Variants in RYR2 observed in about 807,000 individuals in gnomAD.
RYR2 encodes the protein ryanodine receptor 2, also known as cardiac muscle ryanodine receptor-calcium release channel.
In RYR2, 227 loss-of-function variants were observed where a neutral mutation model predicts 601.1. The observed-to-expected ratio is 0.38, with a 90% CI of 0.34 to 0.42. The LOEUF (loss-of-function observed/expected upper bound fraction) is 0.42. RYR2 is among the 10% of genes least tolerant of loss of function. RYR2 has a pLI of 1.00. For synonymous variants in RYR2, 2,223 were observed against 2,175.1 expected, an observed-to-expected ratio of 1.02 and a Z score of -0.61; for missense variants, 4,646 against 6,156.5, an observed-to-expected ratio of 0.75 and a Z score of 8.21.
At chr1:237,572,094 T>C (rs1328669087) in intron 29 of RYR2, among the ~76,000 whole-genome samples, 1 of 152,168 alleles carries the variant, frequency 6.6e-6, no homozygotes. Flanking sequence ...TGAACACTTA[T>C]CTCCGGGTGG....
rs1191455251 is a variant in RYR2 at position 237,667,898 on chromosome 1, A to T, written c.8530A>T (p.Met2844Leu). 2 of 1,583,670 alleles carry T rather than the reference A, an allele frequency of 1.3e-6. No homozygotes were observed. Among genetic ancestry groups the T allele is most frequent in the Non-Finnish European group, 1.7e-6 (2 of 1,164,322 alleles). The part of the protein sequence containing the change: ...SRDLHAMAEM[M>L]AENYHNIWAK... ...TTCATTTAAGGCTATGGCAGAAATGATGGCTGAAAACTACCATAATATATG... is the reference window on the plus strand; with the variant it reads ...TTCATTTAAGGCTATGGCAGAAATGTTGGCTGAAAACTACCATAATATATG... Residue 2844 changes from methionine to leucine, a missense_variant, in exon 58 of 105, where the codon ATG becomes TTG. Around this residue, in one of 17 missense-constraint regions of RYR2, gnomAD observed 1,497 missense variants for 1,842.6 expected, o/e 0.81. Transcript: ENST00000366574.
intron 95 of RYR2, among the ~76,000 whole-genome samples, chr1:237,795,008 CAAAT>C (rs1658937029): frequency 6.6e-6 from 1 of 152,128 alleles, no homozygotes; most frequent in Non-Finnish European, 1.5e-5. Context: ...ATGTTATAAA[CAAAT>C]AAATATAACA....
chr1:237,287,970 G>A (rs1691744867), intron 2 of RYR2, among the ~76,000 whole-genome samples: 1 of 152,174 alleles, frequency 6.6e-6, no homozygotes, highest in African/African-American at 2.4e-5. Context: ...AGGGCTGAAG[G>A]CTGTTGTTCA....
intron 63 of RYR2, 126 bp downstream of exon 63, chr1:237,687,630 C>A (rs1686548652): frequency 2.7e-6 from 2 of 748,762 alleles, no homozygotes; most frequent in Non-Finnish European, 4.7e-6. Context: ...ATGGTCGTTG[C>A]AGGCCAAGAT....
At chr1:237,334,958 T>C (rs555975372) in intron 3 of RYR2, among the ~76,000 whole-genome samples, 2 of 152,332 alleles carry the variant, frequency 1.3e-5, no homozygotes, top group Non-Finnish European at 2.9e-5. Context: ...TATTAAATGA[T>C]GGTGCATGTT....
intron 1 of RYR2, among the ~76,000 whole-genome samples, chr1:237,233,775 C>T (rs1311401169): frequency 6.6e-6 from 1 of 152,180 alleles, no homozygotes; most frequent in Non-Finnish European, 1.5e-5. Context: ...CTGCCTCAGC[C>T]TCCTGAGTAG....
In RYR2 at chr1:237,819,067, G is replaced by A. The variant is rs794728805; in HGVS notation, c.14465G>A (p.Arg4822His). The change falls in exon 101 of 105, where the codon CGT becomes CAT. Residue 4822 changes from arginine to histidine, a missense_variant. Arg to His is a conservative substitution (Grantham distance 29). Around this residue, in one of 17 missense-constraint regions of RYR2, gnomAD observed 55 missense variants for 204.7 expected, o/e 0.27. Coordinates refer to ENST00000366574, the MANE Select transcript of RYR2 (RefSeq NM_001035.3). This position sits in a 1 kb window ranked among gnomAD's most constrained non-coding sequence, Gnocchi z 4.0. ...ATGTTCCACATGTATGTTGGAGTTC[G>A]TGCTGGAGGAGGGATCGGGGATGAA... ...CYMFHMYVGV[R>H]AGGGIGDEIE... is the part of the protein sequence containing the mutation. 3 of 1,613,838 alleles carry A rather than the reference G, an allele frequency of 1.9e-6. No individual in the cohort carries two copies. The highest frequency in any genetic ancestry group is 2.5e-6 in the Non-Finnish European group (3 of 1,179,804).
At chr1:237,252,563 T>C (rs1687566374) in intron 1 of RYR2, among the ~76,000 whole-genome samples, 1 of 152,218 alleles carries the variant, frequency 6.6e-6, no homozygotes, top group Admixed American at 6.5e-5. Flanking sequence ...TAAGAAATTG[T>C]TCTGTCTCAT....
At chr1:237,423,302 T>C in intron 12 of RYR2, 54 bp downstream of exon 12, 1 of 1,558,352 alleles carries the variant, frequency 6.4e-7, no homozygotes. Flanking sequence ...TCATATTTCC[T>C]TTGATGTTAG....
chr1:237,669,140 C>T lies in RYR2; in HGVS notation c.8590+1182C>T, dbSNP rs1042625376. Among the ~76,000 whole-genome samples the T allele has an allele frequency of 6.5e-5, 9 of 139,534 alleles. 1 individual carries two copies. Among genetic ancestry groups the T allele is most frequent in the African/African-American group, 2.2e-4 (9 of 40,406 alleles). The allele number at this position is 139,534 out of a possible 152,430, so 91.5% of individuals were successfully genotyped here. A position where few individuals can be genotyped will look rare whatever the true frequency, so the allele number is the denominator to read the frequency against. ...AAGCACATCTTGCACCGTCCTTAAT[C>T]CATTTAACCCTGAGTGGACACAATA... is the stretch of plus-strand genomic sequence containing the variant. On this transcript the variant is annotated intron_variant, in intron 58 of 104. Coordinates refer to ENST00000366574, the MANE Select transcript of RYR2 (RefSeq NM_001035.3).
intron 1 of RYR2, among the ~76,000 whole-genome samples, chr1:237,126,476 T>A (rs1386221722): frequency 6.6e-6 from 1 of 152,066 alleles, no homozygotes; most frequent in Non-Finnish European, 1.5e-5. Context: ...TGGGCAACCT[T>A]TTATCTCCCT....
Position 237,377,343 on chromosome 1 carries a change from A to T in RYR2, c.484A>T (p.Ile162Leu). The T allele has an allele frequency of 6.2e-7, 1 of 1,613,264 alleles. No homozygotes were observed. Among genetic ancestry groups the T allele is most frequent in the Non-Finnish European group, 8.5e-7 (1 of 1,179,424 alleles). Reference protein sequence around the residue: ...DTTGEACWWTIHPASKQRSEG... With the variant: ...DTTGEACWWTLHPASKQRSEG... ...TGCAGGGGAGGCTTGTTGGTGGACC[A>T]TACACCCTGCCTCTAAGCAGCGATC... The change falls in exon 8 of 105, where the codon ATA becomes TTA. Residue 162 changes from isoleucine (I) to leucine (L), a missense_variant. By Grantham distance (5) the Ile-to-Leu change is conservative (BLOSUM62 2). Transcript: ENST00000366574.
At chr1:237,288,336 A>G (rs1691790290) in intron 2 of RYR2, among the ~76,000 whole-genome samples, 1 of 152,104 alleles carries the variant, frequency 6.6e-6, no homozygotes, top group Admixed American at 6.6e-5. Flanking sequence ...CTCTGGTAGT[A>G]TTGGGAGGAA....
At chr1:237,729,463 G>A (rs1690492247) in intron 76 of RYR2, among the ~76,000 whole-genome samples, 1 of 152,024 alleles carries the variant, frequency 6.6e-6, no homozygotes, top group Non-Finnish European at 1.5e-5. Context: ...GATTTCCAAG[G>A]CCCTTCATAA....
chr1:237,820,535 G>A (rs2486555), intron 101 of RYR2, among the ~76,000 whole-genome samples: 39,958 of 152,072 alleles, frequency 0.26, 5,707 homozygotes, highest in East Asian at 0.61. Context: ...CCAGCAGACC[G>A]GGACATTCCC....
chr1:237,650,976 C>T (rs1682674151), intron 50 of RYR2, among the ~76,000 whole-genome samples: 1 of 152,232 alleles, frequency 6.6e-6, no homozygotes, highest in African/African-American at 2.4e-5. Context: ...TTTTCTCTCC[C>T]TTCCTTCTCT....
At chr1:237,223,642 C>T (rs918421208) in intron 1 of RYR2, among the ~76,000 whole-genome samples, 3 of 152,064 alleles carry the variant, frequency 2.0e-5, no homozygotes, top group African/African-American at 7.2e-5. Flanking sequence ...GGAGAGAACT[C>T]ACTAGTCCTG....
chr1:237,309,631 A>T (rs1223599201), intron 2 of RYR2, among the ~76,000 whole-genome samples: 1 of 152,060 alleles, frequency 6.6e-6, no homozygotes, highest in Non-Finnish European at 1.5e-5. Flanking sequence ...GTGTGCCCAC[A>T]CTCCTCAGCC....
intron 100 of RYR2, among the ~76,000 whole-genome samples, chr1:237,810,959 A>G (rs543354424): frequency 3.3e-4 from 50 of 152,342 alleles, no homozygotes; most frequent in African/African-American, 1.2e-3. Flanking sequence ...GGATTTATTC[A>G]TAGGACACTG....
Sources: allele counts gnomAD v4.1 joint callset (sites outside exome capture counted in the v4.1 genomes callset), GRCh38; gene constraint gnomAD v4.1.1; regional missense constraint gnomAD v4.1.1; non-coding constraint Gnocchi (gnomAD v3.1); transcripts MANE v1.5; gene names NCBI Gene and HGNC (gene_info 2026-07-23, HGNC 2026-07-21).